The following WDR17 variants were observed in gnomAD, a reference collection of about 807,000 sequenced individuals.
WDR17 encodes WD repeat-containing protein 17.
Under a neutral mutation model 161.7 loss-of-function variants are expected in WDR17, and 143 were observed. The ratio of observed to expected loss-of-function variants is 0.88; its 90% CI spans 0.77 to 1.02. The LOEUF (loss-of-function observed/expected upper bound fraction) is 1.02. WDR17 is among the 50% of genes least tolerant of loss of function. WDR17 has a pLI of 0.00. For missense variants in WDR17, 1,469 were observed against 1,520.9 expected (o/e 0.97, Z 0.57); for synonymous variants, 517 against 515.6 (o/e 1.00, Z -0.04).
chr4:176,178,912 G>A (rs1751842378), intron 28 of WDR17, among the ~76,000 whole-genome samples: 1 of 152,000 alleles, frequency 6.6e-6, no homozygotes. Context: ...TAACTACCCT[G>A]GCATATATCA....
chr4:176,162,314 T>C (rs1749154792), intron 21 of WDR17, 140 bp downstream of exon 21: 2 of 633,300 alleles, frequency 3.2e-6, no homozygotes, highest in South Asian at 2.1e-5. Context: ...AGTAATTACA[T>C]TCCTAATTAG....
At chr4:176,091,135 C>T (rs749344684) in intron 1 of WDR17, among the ~76,000 whole-genome samples, 33 of 152,150 alleles carry the variant, frequency 2.2e-4, no homozygotes, top group Non-Finnish European at 4.3e-4. Flanking sequence ...GATTTGGGTG[C>T]CTATCCTCAG....
At chr4:176,091,246 G>T (rs1736085804) in intron 1 of WDR17, among the ~76,000 whole-genome samples, 1 of 152,068 alleles carries the variant, frequency 6.6e-6, no homozygotes, top group African/African-American at 2.4e-5. Context: ...CCATATGTTA[G>T]GTCACAAAAT....
intron 17 of WDR17, among the ~76,000 whole-genome samples, chr4:176,152,916 A>G (rs1747449161): frequency 6.6e-6 from 1 of 151,850 alleles, no homozygotes; most frequent in Admixed American, 6.6e-5. Flanking sequence ...GCCTGGCGAC[A>G]GAGCAAGACT....
At chr4:176,096,941 C>T (rs1309309439) in intron 1 of WDR17, among the ~76,000 whole-genome samples, 2 of 151,610 alleles carry the variant, frequency 1.3e-5, no homozygotes, top group Non-Finnish European at 3.0e-5. Context: ...TTTCATGAAA[C>T]AGAAGATAAA....
chr4:176,091,729 T>C (rs374828618), intron 1 of WDR17, among the ~76,000 whole-genome samples: 22 of 151,908 alleles, frequency 1.4e-4, no homozygotes, highest in Non-Finnish European at 2.2e-4. Flanking sequence ...ATCAACAAAC[T>C]GTAAGCCAGA....
At chr4:176,170,966 C>T (rs968798959) in intron 23 of WDR17, among the ~76,000 whole-genome samples, 3 of 152,194 alleles carry the variant, frequency 2.0e-5, no homozygotes, top group Non-Finnish European at 4.4e-5. Flanking sequence ...CTTCCTTAAA[C>T]GTGCTCAGAA....
chr4:176,124,279 G>A (rs1742086334), intron 4 of WDR17, among the ~76,000 whole-genome samples: 1 of 152,128 alleles, frequency 6.6e-6, no homozygotes, highest in African/African-American at 2.4e-5. Flanking sequence ...TTCCCATGTG[G>A]TATCTCAGCA....
chr4:176,126,680 G>A (rs1399596483), intron 5 of WDR17, among the ~76,000 whole-genome samples: 3 of 152,150 alleles, frequency 2.0e-5, no homozygotes, highest in African/African-American at 7.2e-5. Context: ...TATAATAAGT[G>A]ATGTGGCTTG....
At chr4:176,173,195 T>C (rs1389049840) in intron 24 of WDR17, 72 bp from the exon 25 acceptor site, 2 of 997,650 alleles carry the variant, frequency 2.0e-6, no homozygotes, top group Admixed American at 2.6e-5. Context: ...ATTAATTATA[T>C]AAGTTAAAAA....
intron 11 of WDR17, among the ~76,000 whole-genome samples, chr4:176,144,794 A>G (rs531776478): frequency 6.6e-6 from 1 of 152,256 alleles, no homozygotes; most frequent in East Asian, 1.9e-4. Context: ...TTTATAAGGT[A>G]TCTCTGACTG....
intron 16 of WDR17, among the ~76,000 whole-genome samples, chr4:176,151,325 T>C (rs190431375): frequency 6.2e-4 from 95 of 152,296 alleles, no homozygotes; most frequent in Admixed American, 1.0e-3. Context: ...TTTTATCTGT[T>C]CTGTGTAACT....
intron 24 of WDR17, among the ~76,000 whole-genome samples, 165 bp from the exon 25 acceptor site, chr4:176,173,102 G>A (rs528003657): frequency 6.6e-6 from 1 of 152,242 alleles, no homozygotes; most frequent in East Asian, 1.9e-4. Flanking sequence ...CTGATTTTAT[G>A]GTATGGGGAC....
At chr4:176,122,218 G>A (rs1429092485) in intron 4 of WDR17, among the ~76,000 whole-genome samples, 3 of 152,154 alleles carry the variant, frequency 2.0e-5, no homozygotes, top group South Asian at 2.1e-4. Context: ...CATCCCTGCT[G>A]TGTGTATGCA....
intron 17 of WDR17, among the ~76,000 whole-genome samples, chr4:176,154,819 T>C (rs759424923): frequency 1.3e-4 from 20 of 152,192 alleles, no homozygotes; most frequent in Non-Finnish European, 2.6e-4. Context: ...AAACCCTTAA[T>C]TAAAATAAAA....
rs1239446367 is a variant in WDR17, at chr4:176,110,333, G to A, written c.-6-1242G>A. ...ATTTTTTGTACTTTTAGTAGAGACG[G>A]GGTTTCACCATGTTAGCCTCCTGAC... On this transcript the variant is annotated intron_variant, in intron 1 of 28. Coordinates refer to ENST00000508596, the MANE Select transcript of WDR17 (RefSeq NM_181265.4). 2.6e-5 allele frequency among the ~76,000 whole-genome samples: 4 copies of A among 152,030 alleles called. No individual in the cohort carries two copies. In the East Asian group the frequency reaches 7.8e-4, roughly 29 times the overall value.
At chr4:176,143,779 C>T (rs960824141) in intron 11 of WDR17, among the ~76,000 whole-genome samples, 8 of 152,042 alleles carry the variant, frequency 5.3e-5, no homozygotes, top group East Asian at 1.9e-4. Flanking sequence ...CTGCAGAAAC[C>T]TTCTAAGTCA....
intron 10 of WDR17, among the ~76,000 whole-genome samples, chr4:176,141,341 C>A (rs573660143): frequency 3.3e-5 from 5 of 152,210 alleles, no homozygotes; most frequent in South Asian, 4.2e-4. Flanking sequence ...TTTTGAACTA[C>A]CTCATTTTGA....
intron 8 of WDR17, among the ~76,000 whole-genome samples, chr4:176,136,409 T>C (rs1196719257): frequency 6.6e-6 from 1 of 151,660 alleles, no homozygotes; most frequent in Non-Finnish European, 1.5e-5. Flanking sequence ...AAAGTATTTG[T>C]CTGAAACATA....
Sources: gnomAD v4.1 joint callset for allele counts (sites outside exome capture counted in the v4.1 genomes callset) on GRCh38, gnomAD v4.1.1 for gene constraint, MANE v1.5 for transcripts, NCBI Gene and HGNC (gene_info 2026-07-23, HGNC 2026-07-21) for gene names.